Variants in PLA1A observed in about 807,000 individuals in gnomAD.
PLA1A encodes phospholipase A1 member A.
PLA1A carries 47 observed loss-of-function variants against 49.4 expected under a neutral mutation model. That is an observed-to-expected ratio of 0.95 (90% CI 0.75 to 1.21). The LOEUF is 1.21. Ranked by LOEUF, PLA1A falls within the 50% of genes most tolerant of loss-of-function variation. The pLI is 0.00. For missense variants in PLA1A, 561 were observed against 563.9 expected, an observed-to-expected ratio of 0.99 and a Z score of 0.05; for synonymous variants, 224 against 207.9, an observed-to-expected ratio of 1.08 and a Z score of -0.67.
intron 4 of PLA1A, among the ~76,000 whole-genome samples, chr3:119,610,764 C>T (rs1280920334): frequency 6.6e-6 from 1 of 152,096 alleles, no homozygotes; most frequent in Admixed American, 6.5e-5. Context: ...TGTAGGTTGT[C>T]TGTTTACTCC....
Position 119,622,988 on chromosome 3 carries a change from T to TG in PLA1A, c.1013-2135dup, listed in dbSNP as rs34062889. 3.3e-5 allele frequency among the ~76,000 whole-genome samples: 5 copies of TG among 151,064 alleles called. No individual in the cohort carries two copies. The East Asian group carries it at 7.8e-4, about 24-fold the overall frequency. ...ACTACAGGCATCCACCACCACACCC[T>TG]GCTAATTTTTTTGTATTTTTAGTAG... On this transcript the variant is annotated intron_variant, in intron 8 of 10. Transcript: ENST00000273371.
chr3:119,600,122 C>G, intron 1 of PLA1A: 2 of 469,864 alleles, frequency 4.3e-6, no homozygotes, highest in Non-Finnish European at 7.6e-6. Flanking sequence ...AAAGGAAGAG[C>G]TCAAATGATC....
At chr3:119,624,191 T>G (rs2082985297) in intron 8 of PLA1A, among the ~76,000 whole-genome samples, 1 of 152,184 alleles carries the variant, frequency 6.6e-6, no homozygotes, top group Non-Finnish European at 1.5e-5. Flanking sequence ...GGGTTGCACT[T>G]TCTGCTCCCA....
chr3:119,619,637 A>G lies in PLA1A; in HGVS notation c.997A>G (p.Ser333Gly). Residue 333 changes from serine to glycine, a missense_variant, in exon 8 of 11, where the codon AGT becomes GGT. Physicochemically the swap from Ser to Gly is moderately conservative, Grantham distance 56. Coordinates refer to ENST00000273371, the MANE Select transcript of PLA1A (RefSeq NM_015900.4). ...EVKVYLLTTSSAPYCMHHSLV... is the reference protein window; with the variant it reads ...EVKVYLLTTSGAPYCMHHSLV... ...GAAAGTCTACCTCCTGACTACTTCCAGTGCTCCGTACTGCAGTGAGTAGGG... is the reference window on the plus strand; with the variant it reads ...GAAAGTCTACCTCCTGACTACTTCCGGTGCTCCGTACTGCAGTGAGTAGGG... 2 of 1,609,986 alleles carry G rather than the reference A, an allele frequency of 1.2e-6. No individual in the cohort carries two copies. Among genetic ancestry groups the G allele is most frequent in the Non-Finnish European group, 1.7e-6 (2 of 1,176,210 alleles).
chr3:119,617,249 G>T (rs1394588768), intron 6 of PLA1A, among the ~76,000 whole-genome samples: 1 of 152,208 alleles, frequency 6.6e-6, no homozygotes, highest in African/African-American at 2.4e-5. Flanking sequence ...AGCACATTGG[G>T]TGTAGAGAGT....
chr3:119,598,415 A>AC (rs1560074033), intron 1 of PLA1A, among the ~76,000 whole-genome samples: 1 of 152,160 alleles, frequency 6.6e-6, no homozygotes, highest in African/African-American at 2.4e-5. Flanking sequence ...TAATCCAGCA[A>AC]CCTAACTCAA....
chr3:119,624,117 A>G (rs1408803730), intron 8 of PLA1A, among the ~76,000 whole-genome samples: 2 of 151,960 alleles, frequency 1.3e-5, no homozygotes, highest in Non-Finnish European at 2.9e-5. Flanking sequence ...TCAGAAATTT[A>G]TTTTCCCACA....
At chr3:119,625,264 C>T (rs760469276) in intron 9 of PLA1A, 32 bp downstream of exon 9, 23 of 1,356,024 alleles carry the variant, frequency 1.7e-5, no homozygotes, top group Non-Finnish European at 2.3e-5. Context: ...TTGACTCCTC[C>T]CCTTAGGAGT....
chr3:119,610,529 G>T (rs745758728), intron 4 of PLA1A, among the ~76,000 whole-genome samples: 2 of 152,018 alleles, frequency 1.3e-5, no homozygotes, highest in Non-Finnish European at 2.9e-5. Flanking sequence ...ATTCTGAGTG[G>T]TGTGAGATGG....
chr3:119,601,180 T>G (rs1222256520), intron 1 of PLA1A, among the ~76,000 whole-genome samples: 1 of 152,244 alleles, frequency 6.6e-6, no homozygotes, highest in Non-Finnish European at 1.5e-5. Flanking sequence ...CAAAACTGTT[T>G]TAGCAAAATA....
At chr3:119,603,640 T>C (rs1034364497) in intron 1 of PLA1A, among the ~76,000 whole-genome samples, 2 of 152,218 alleles carry the variant, frequency 1.3e-5, no homozygotes, top group African/African-American at 4.8e-5. Flanking sequence ...TTTTTCCCTA[T>C]TAAAAGGTAA....
Position 119,628,819 on chromosome 3 carries a change from AC to A in PLA1A, c.1242del (p.Ile415LeufsTer25). 1 of 1,614,130 alleles carries A rather than the reference AC, an allele frequency of 6.2e-7. No individual in the cohort carries two copies. The highest frequency in any genetic ancestry group is 8.5e-7 in the Non-Finnish European group (1 of 1,179,936). ...CCGAGTTTGGAAAAAAGACCGGACT[AC>A]CATTATTGGGAAGTTCTGCACTGCC... ...SNRVWKKDRT[T>X]IIGKFCTALL... On this transcript the variant is annotated frameshift_variant, in exon 10 of 11. Coordinates refer to ENST00000273371, the MANE Select transcript of PLA1A (RefSeq NM_015900.4). LOFTEE classifies it high-confidence loss of function.
intron 1 of PLA1A, among the ~76,000 whole-genome samples, chr3:119,605,576 G>A (rs1054913724): frequency 1.1e-4 from 17 of 152,240 alleles, no homozygotes; most frequent in Admixed American, 1.1e-3. Flanking sequence ...CTGAACCTCT[G>A]ATTCTGTGAA....
chr3:119,599,698 A>C (rs1380212162), intron 1 of PLA1A, among the ~76,000 whole-genome samples: 1 of 152,180 alleles, frequency 6.6e-6, no homozygotes, highest in Non-Finnish European at 1.5e-5. Context: ...TGCTCTGGGC[A>C]GGAAGTGGGC....
chr3:119,629,333 A>T (rs749201265), intron 10 of PLA1A, 51 bp from the exon 11 acceptor site: 2 of 1,033,260 alleles, frequency 1.9e-6, no homozygotes, highest in Non-Finnish European at 1.5e-6. Context: ...ACACAATGCC[A>T]AGCCCTGTCT....
Position 119,619,548 on chromosome 3 carries a change from CTTCT to C in PLA1A, c.923-12_923-9del, listed in dbSNP as rs1385632065. ...CCTTCTCAGGACTCTGCTGTCTTTGCTTCTTTATTTCCAGGACTGGTGGAACAAG... is the reference window on the plus strand; with the variant it reads ...CCTTCTCAGGACTCTGCTGTCTTTGCTTATTTCCAGGACTGGTGGAACAAG... On this transcript the variant is annotated splice_polypyrimidine_tract_variant and intron_variant, in intron 7 of 10. Coordinates refer to ENST00000273371, the MANE Select transcript of PLA1A (RefSeq NM_015900.4). 1 of 1,599,118 alleles carries C rather than the reference CTTCT, an allele frequency of 6.3e-7. No homozygotes were observed. Among genetic ancestry groups the C allele is most frequent in the East Asian group, 2.2e-5 (1 of 44,804 alleles).
In PLA1A at chr3:119,609,347, T is replaced by A. The variant is rs929071475; in HGVS notation, c.454-121T>A. On this transcript the variant is annotated intron_variant, in intron 3 of 10. Coordinates refer to ENST00000273371, the MANE Select transcript of PLA1A (RefSeq NM_015900.4). ...AGTGCTGTCCTTTTTCCCTCCAAAGTAAGTGTGGTGGGTGTGTCATGCCCA... is the reference window on the plus strand; with the variant it reads ...AGTGCTGTCCTTTTTCCCTCCAAAGAAAGTGTGGTGGGTGTGTCATGCCCA... 34 of 775,538 alleles carry A rather than the reference T, an allele frequency of 4.4e-5. No homozygotes were observed. In the African/African-American group the frequency reaches 4.4e-4, roughly 10 times the overall value. The allele number at this position is 775,538 out of a possible 1,614,324, so 48.0% of individuals were successfully genotyped here. A position where few individuals can be genotyped will look rare whatever the true frequency, so the allele number is the denominator to read the frequency against.
intron 5 of PLA1A, 100 bp from the exon 6 acceptor site, chr3:119,615,912 C>A: frequency 2.8e-6 from 2 of 715,404 alleles, no homozygotes; most frequent in Non-Finnish European, 5.2e-6. Context: ...TTAGAAGTGA[C>A]GTGGCAGAGA....
At chr3:119,627,601 C>A (rs1247472706) in intron 9 of PLA1A, among the ~76,000 whole-genome samples, 1 of 151,312 alleles carries the variant, frequency 6.6e-6, no homozygotes, top group Non-Finnish European at 1.5e-5. Flanking sequence ...ACAGGAAACC[C>A]AGTTGGCAAG....
Sources: allele counts gnomAD v4.1 joint callset (sites outside exome capture counted in the v4.1 genomes callset), GRCh38; gene constraint gnomAD v4.1.1; transcripts MANE v1.5; gene names NCBI Gene and HGNC (gene_info 2026-07-23, HGNC 2026-07-21).